SPATC1L: variants seen among roughly 807,000 people sequenced by gnomAD.
The protein encoded by SPATC1L is speriolin-like protein.
SPATC1L carries 20 observed loss-of-function variants against 21.2 expected under a neutral mutation model. That is an observed-to-expected ratio of 0.94 (90% CI 0.66 to 1.37). SPATC1L has a LOEUF of 1.37. SPATC1L is among the 40% of genes most tolerant of loss of function. The pLI, the probability that SPATC1L is intolerant of heterozygous loss-of-function variation, is 0.00. For synonymous variants in SPATC1L, 290 were observed against 234.5 expected, an observed-to-expected ratio of 1.24 and a Z score of -2.16; for missense variants, 499 against 478.7, an observed-to-expected ratio of 1.04 and a Z score of -0.40.
At chr21:46,164,856 G>A (rs1362735346) in intron 3 of SPATC1L, among the ~76,000 whole-genome samples, 1 of 151,054 alleles carries the variant, frequency 6.6e-6, no homozygotes, top group East Asian at 1.9e-4. Flanking sequence ...CAAAAATGAG[G>A]TAGAAGAAAC....
Position 46,161,520 on chromosome 21 carries a change from G to A in SPATC1L, c.882C>T (p.Asn294=), listed in dbSNP as rs1391888763. 7 of 1,610,180 alleles carry A rather than the reference G, an allele frequency of 4.3e-6. No individual in the cohort carries two copies. Among genetic ancestry groups the A allele is most frequent in the Non-Finnish European group, 5.9e-6 (7 of 1,178,782 alleles). Residue 294 remains asparagine, a synonymous_variant, in exon 5 of 5, where the codon AAC becomes AAT. Transcript: ENST00000291672. The part of the protein sequence containing the change: ...ILKQRPDLRA[N]PLHSSPAALR... The stretch of plus-strand genomic sequence containing the variant: ...GCGCGGCCGGGCTGCTGTGCAGGGG[G>A]TTGGCGCGCAGGTCGGGCCGCTGCT...
At position 46,161,682 on chromosome 21, in the gene SPATC1L, G is replaced by GCC; in HGVS notation, c.718_719dup (p.Ser241AlafsTer11). ...CGCGCAGCTTCCTCTCGTCCACGGAGCCGTCCAGAGACTTGGTGGAGGTCT... is the reference window on the plus strand; with the variant it reads ...CGCGCAGCTTCCTCTCGTCCACGGAGCCCCGTCCAGAGACTTGGTGGAGGTCT... On this transcript the variant is annotated frameshift_variant, in exon 5 of 5. Coordinates refer to ENST00000291672, the MANE Select transcript of SPATC1L (RefSeq NM_001142854.2). LOFTEE classifies it low-confidence loss of function (END_TRUNC). 2 of 1,604,230 alleles carry GCC rather than the reference G, an allele frequency of 1.2e-6. No homozygotes were observed. Among genetic ancestry groups the GCC allele is most frequent in the Non-Finnish European group, 1.7e-6 (2 of 1,176,262 alleles).
intron 2 of SPATC1L, 131 bp from the exon 3 acceptor site, chr21:46,168,789 C>A: frequency 4.0e-6 from 2 of 505,794 alleles, no homozygotes. Flanking sequence ...GTTTCCCTGG[C>A]TTCAGAGCAT....
Position 46,168,519 on chromosome 21 carries a change from C to T in SPATC1L, c.333G>A (p.Gln111=). 6.5e-7 allele frequency: 1 copy of T among 1,542,658 alleles called. No homozygotes were observed. Among genetic ancestry groups the T allele is most frequent in the Non-Finnish European group, 8.8e-7 (1 of 1,139,620 alleles). The change falls in exon 3 of 5, where the codon CAG becomes CAA. Residue 111 remains glutamine, a synonymous_variant. Coordinates refer to ENST00000291672, the MANE Select transcript of SPATC1L (RefSeq NM_001142854.2). ...DTSPGCAAPS[Q]APFKAFLSPP... ...GACTGAGGAAGGCCTTGAAGGGTGC[C>T]TGGGAGGGGGCTGCACAGCCCGGGG...
Position 46,182,334 on chromosome 21 carries a change from G to A in SPATC1L, c.193+290C>T, listed in dbSNP as rs908257785. 2.3e-4 allele frequency among the ~76,000 whole-genome samples: 35 copies of A among 152,308 alleles called. 1 individual carries two copies. The highest frequency in any genetic ancestry group is 1.4e-3 in the Admixed American group (21 of 15,308). The stretch of plus-strand genomic sequence containing the variant: ...GGGCCCTGGAGGCCCACAAGCCTGC[G>A]CGCCACCTGCTCTACCCCTATGGGG... On this transcript the variant is annotated intron_variant, in intron 2 of 4. Coordinates refer to ENST00000291672, the MANE Select transcript of SPATC1L (RefSeq NM_001142854.2).
intron 2 of SPATC1L, 130 bp from the exon 3 acceptor site, chr21:46,168,788 GCTT>G: frequency 2.0e-6 from 1 of 508,954 alleles, no homozygotes. Context: ...GGTTTCCCTG[GCTT>G]CAGAGCATCC....
chr21:46,180,413 G>C (rs182628625), intron 2 of SPATC1L, among the ~76,000 whole-genome samples: 1 of 152,330 alleles, frequency 6.6e-6, no homozygotes, highest in Non-Finnish European at 1.5e-5. Flanking sequence ...GGCGTGGCCT[G>C]AGGCTTAAAC....
Position 46,161,972 on chromosome 21 carries a change from C to T in SPATC1L, c.640G>A (p.Gly214Ser), listed in dbSNP as rs1458267978. Residue 214 changes from glycine to serine, a missense_variant, in exon 4 of 5, where the codon GGC becomes AGC. By Grantham distance (56) the Gly-to-Ser change is moderately conservative. Coordinates refer to ENST00000291672, the MANE Select transcript of SPATC1L (RefSeq NM_001142854.2). ...DRRILAYVFP[G>S]VTRLYGFTVA... Reference sequence around the variant, plus strand: ...GTGAAGCCGTAGAGCCGCGTCACGCCCGGGAACACGTAGGCCAGGATGCGG... The same window carrying T: ...GTGAAGCCGTAGAGCCGCGTCACGCTCGGGAACACGTAGGCCAGGATGCGG... 2.5e-6 allele frequency: 4 copies of T among 1,607,910 alleles called. No individual in the cohort carries two copies. The African/African-American group carries it at 5.3e-5, about 21-fold the overall frequency.
At chr21:46,182,156 G>A (rs1165247156) in intron 2 of SPATC1L, among the ~76,000 whole-genome samples, 1 of 152,158 alleles carries the variant, frequency 6.6e-6, no homozygotes, top group Non-Finnish European at 1.5e-5. Context: ...CCATGGGGCT[G>A]GCCTGGCTCT....
intron 2 of SPATC1L, among the ~76,000 whole-genome samples, chr21:46,176,049 A>C (rs1392233078): frequency 6.6e-6 from 1 of 152,172 alleles, no homozygotes; most frequent in Non-Finnish European, 1.5e-5. Context: ...CTAAAGCAAA[A>C]ACCATATGAT....
rs1370886035 is a variant in SPATC1L at position 46,172,146 on chromosome 21, G to T, written c.194-3488C>A. 9.5e-4 allele frequency among the ~76,000 whole-genome samples: 47 copies of T among 49,604 alleles called. 7 individuals carry two copies. The East Asian group carries it at 0.011, about 12-fold the overall frequency. 32.5% of individuals were successfully genotyped at this position (49,604 alleles called of 152,430 possible). A position where few individuals can be genotyped will look rare whatever the true frequency, so the allele number is the denominator to read the frequency against. ...GGGATGCACAGAGTGTGAGGTGGGG[G>T]ATGCAAAGAGCGTGAGGCGGGGGAT... On this transcript the variant is annotated intron_variant, in intron 2 of 4. Transcript: ENST00000291672.
At position 46,161,272 on chromosome 21, in the gene SPATC1L, G is replaced by C. The variant is rs2079483189; in HGVS notation, c.*107C>G. On this transcript the variant is annotated 3_prime_UTR_variant, in exon 5 of 5. Transcript: ENST00000291672. ...AGCGGGGCCTTCTCTGGCCTCGCGC[G>C]CGGGGGACGCGGCCCTTTCCCCTCC... 1 of 1,124,610 alleles carries C rather than the reference G, an allele frequency of 8.9e-7. No individual in the cohort carries two copies. 69.7% of individuals were successfully genotyped at this position (1,124,610 alleles called of 1,614,324 possible).
chr21:46,180,394 G>A (rs931329431), intron 2 of SPATC1L, among the ~76,000 whole-genome samples: 3 of 152,224 alleles, frequency 2.0e-5, no homozygotes, highest in African/African-American at 7.2e-5. Context: ...CTTTGCGGAG[G>A]GGGCCGGAGG....
chr21:46,174,463 G>T (rs8133740), intron 2 of SPATC1L, among the ~76,000 whole-genome samples: 1 of 151,764 alleles, frequency 6.6e-6, no homozygotes, highest in South Asian at 2.1e-4. Context: ...TAAAGGCATG[G>T]AGAAAAATCT....
intron 2 of SPATC1L, among the ~76,000 whole-genome samples, chr21:46,173,048 G>T (rs894301079): frequency 1.3e-5 from 2 of 152,240 alleles, no homozygotes; most frequent in African/African-American, 4.8e-5. Context: ...GCAGCAGCCA[G>T]CTGAAGCAGA....
chr21:46,176,977 G>T (rs2079637895), intron 2 of SPATC1L, among the ~76,000 whole-genome samples: 1 of 152,138 alleles, frequency 6.6e-6, no homozygotes. Context: ...ATAACCACCT[G>T]ATCTTCAACA....
chr21:46,174,344 C>CAAAAAAAAAAAAAA (rs200980627), intron 2 of SPATC1L, among the ~76,000 whole-genome samples: 1 of 68,832 alleles, frequency 1.5e-5, no homozygotes. Context: ...AAAAACAAAA[C>CAAAAAAAAAAAAAA]AAAAAAAAAA....
chr21:46,182,224 A>C (rs1316745408), intron 2 of SPATC1L, among the ~76,000 whole-genome samples: 13 of 152,016 alleles, frequency 8.6e-5, no homozygotes, highest in Non-Finnish European at 1.6e-4. Flanking sequence ...GGCTGGTCTG[A>C]CACCCCCCTC....
chr21:46,182,418 G>C (rs769608974), intron 2 of SPATC1L, among the ~76,000 whole-genome samples: 1 of 152,192 alleles, frequency 6.6e-6, no homozygotes, highest in African/African-American at 2.4e-5. Context: ...CTCCCACTTC[G>C]CCAGCGACCG....
Sources: allele counts gnomAD v4.1 joint callset (sites outside exome capture counted in the v4.1 genomes callset), GRCh38; gene constraint gnomAD v4.1.1; transcripts MANE v1.5; gene names NCBI Gene and HGNC (gene_info 2026-07-23, HGNC 2026-07-21).